SASH1: variants seen among roughly 807,000 people sequenced by gnomAD.
SASH1 encodes the protein SAM and SH3 domain containing 1.
Under a neutral mutation model 125.2 loss-of-function variants are expected in SASH1, and 44 were observed. The ratio of observed to expected loss-of-function variants is 0.35; its 90% CI spans 0.28 to 0.45. The LOEUF is 0.45. Among genes scored for constraint, SASH1 ranks in the 20% least tolerant of loss-of-function variants. The pLI is 1.00. For missense variants in SASH1, 1,426 were observed against 1,614.5 expected (o/e 0.88, Z 2.00); for synonymous variants, 639 against 649.1 (o/e 0.98, Z 0.24).
intron 1 of SASH1, among the ~76,000 whole-genome samples, chr6:148,322,864 C>CACCTTTCTTTCTTTCTTTCTTTCT (rs1223221146): frequency 6.0e-5 from 8 of 133,156 alleles, no homozygotes. Context: ...CCATCCAAAT[C>CACCTTTCTTTCTTTCTTTCTTTCT]ATCTTTCTTT....
At chr6:148,229,600 A>G in the SASH1 span, among the ~76,000 whole-genome samples, 1 of 152,186 alleles carries the variant, frequency 6.6e-6, no homozygotes, top group Non-Finnish European at 1.5e-5. Flanking sequence ...TTTAGCAAAC[A>G]GCTTTATTGA....
chr6:148,343,517 C>A (rs1474578461), intron 1 of SASH1, among the ~76,000 whole-genome samples: 1 of 152,118 alleles, frequency 6.6e-6, no homozygotes, highest in Non-Finnish European at 1.5e-5. Context: ...GAGAAAGAGG[C>A]CTTCAAAAAG....
At chr6:148,500,573 A>C (rs1262003146) in intron 8 of SASH1, among the ~76,000 whole-genome samples, 1 of 152,212 alleles carries the variant, frequency 6.6e-6, no homozygotes, top group African/African-American at 2.4e-5. Flanking sequence ...AAAGATAAAG[A>C]GGTCACACAG....
intron 1 of SASH1, among the ~76,000 whole-genome samples, chr6:148,321,169 A>G (rs1214954866): frequency 2.0e-5 from 3 of 152,184 alleles, no homozygotes; most frequent in Non-Finnish European, 4.4e-5. Context: ...AGGCAGGCAG[A>G]TCACTTGAGG....
At chr6:148,451,312 C>T (rs1777090468) in intron 4 of SASH1, among the ~76,000 whole-genome samples, 1 of 152,196 alleles carries the variant, frequency 6.6e-6, no homozygotes, top group South Asian at 2.1e-4. Context: ...GTCAGTGTCT[C>T]CCCAGACTGA....
intron 2 of SASH1, among the ~76,000 whole-genome samples, chr6:148,391,342 C>T (rs897601878): frequency 8.0e-5 from 12 of 150,520 alleles, no homozygotes; most frequent in African/African-American, 2.9e-4. Context: ...CTCCCGACTT[C>T]AGGTGACCAC....
upstream of SASH1, among the ~76,000 whole-genome samples, chr6:148,268,878 G>A (rs572205542): frequency 2.0e-5 from 3 of 152,174 alleles, no homozygotes; most frequent in South Asian, 2.1e-4. Flanking sequence ...GCTTCATATC[G>A]GTTACTCAGT....
rs576338288 is a variant in SASH1 at position 148,495,355 on chromosome 6, T to C, written c.729+7640T>C. ...CAGAGTGGCAGCATCCTTCTACTTGTATAACCACTGTCGTCTTTTATAGAA... is the reference window on the plus strand; with the variant it reads ...CAGAGTGGCAGCATCCTTCTACTTGCATAACCACTGTCGTCTTTTATAGAA... On this transcript the variant is annotated intron_variant, in intron 8 of 19. Coordinates refer to ENST00000367467, the MANE Select transcript of SASH1 (RefSeq NM_015278.5). The surrounding 1 kb of genome is among the most constrained non-coding windows in gnomAD (Gnocchi z 4.0). Among the ~76,000 whole-genome samples, 5 of 152,362 alleles carry C rather than the reference T, an allele frequency of 3.3e-5. No homozygotes were observed. The South Asian group carries it at 6.2e-4, about 19-fold the overall frequency.
chr6:148,358,495 C>T (rs1782043788), intron 1 of SASH1, among the ~76,000 whole-genome samples: 1 of 152,030 alleles, frequency 6.6e-6, no homozygotes. Flanking sequence ...TTCTGGGGTC[C>T]CAGGAGGGTC....
At chr6:148,235,029 A>G in the SASH1 span, among the ~76,000 whole-genome samples, 1 of 152,212 alleles carries the variant, frequency 6.6e-6, no homozygotes, top group Non-Finnish European at 1.5e-5. Context: ...ACAAGCACCA[A>G]CAATACATGG....
At chr6:148,449,078 C>CTTTTTCTTTTTTTTTTCTTTTTTTTT in intron 4 of SASH1, among the ~76,000 whole-genome samples, 1 of 88,736 alleles carries the variant, frequency 1.1e-5, no homozygotes, top group Non-Finnish European at 2.3e-5. Context: ...CATTTCATTT[C>CTTTTTCTTTTTTTTTTCTTTTTTTTT]TTTTTTTTTT....
the SASH1 span, among the ~76,000 whole-genome samples, chr6:148,249,483 G>T: frequency 6.6e-6 from 1 of 152,204 alleles, no homozygotes; most frequent in Non-Finnish European, 1.5e-5. Context: ...GCTTCTAGGA[G>T]CCAGGGTACC....
chr6:148,537,970 C>T (rs1781967078), intron 16 of SASH1, among the ~76,000 whole-genome samples: 2 of 152,146 alleles, frequency 1.3e-5, no homozygotes, highest in African/African-American at 4.8e-5. Context: ...TTTCAGCGTT[C>T]TAGCTTATCT....
intron 1 of SASH1, among the ~76,000 whole-genome samples, chr6:148,304,897 G>A (rs1780082327): frequency 6.6e-6 from 1 of 152,082 alleles, no homozygotes; most frequent in Non-Finnish European, 1.5e-5. Flanking sequence ...ACGTGGTGAT[G>A]GCGGGTGCCT....
rs371450370 is a variant in SASH1 at position 148,456,320 on chromosome 6, C to T, written c.387-12225C>T. Among the ~76,000 whole-genome samples the T allele has an allele frequency of 5.5e-4, 83 of 152,274 alleles. No individual in the cohort carries two copies. In the East Asian group the frequency reaches 0.012, roughly 22 times the overall value. ...GCCCGTCTCTATAGGGATCAGTGACCCCATCTCCATACCGCCCGAGCGTGT... is the reference window on the plus strand; with the variant it reads ...GCCCGTCTCTATAGGGATCAGTGACTCCATCTCCATACCGCCCGAGCGTGT... On this transcript the variant is annotated intron_variant, in intron 4 of 19. Coordinates refer to ENST00000367467, the MANE Select transcript of SASH1 (RefSeq NM_015278.5).
At chr6:148,257,316 G>A in the SASH1 span, among the ~76,000 whole-genome samples, 1 of 152,158 alleles carries the variant, frequency 6.6e-6, no homozygotes, top group Non-Finnish European at 1.5e-5. Flanking sequence ...AATGTGGCTT[G>A]AACCTGAGTC....
the SASH1 span, among the ~76,000 whole-genome samples, chr6:148,226,072 G>A: frequency 2.0e-4 from 30 of 152,322 alleles, no homozygotes; most frequent in African/African-American, 7.0e-4. Context: ...GTATGATTGT[G>A]GGAGAGCTCT....
intron 1 of SASH1, among the ~76,000 whole-genome samples, chr6:148,352,596 T>TATAAATAA (rs144016974): frequency 2.3e-4 from 33 of 141,278 alleles, no homozygotes; most frequent in African/African-American, 3.2e-4. Context: ...GACTCCTTCT[T>TATAAATAA]ATAAATAAAT....
upstream of SASH1, among the ~76,000 whole-genome samples, chr6:148,270,374 A>G (rs548491437): frequency 9.9e-5 from 6 of 60,390 alleles, no homozygotes; most frequent in East Asian, 1.4e-3. Flanking sequence ...TGACTTTAAT[A>G]TTTTAAAATT....
Sources: allele counts gnomAD v4.1 joint callset (sites outside exome capture counted in the v4.1 genomes callset), GRCh38; gene constraint gnomAD v4.1.1; non-coding constraint Gnocchi (gnomAD v3.1); transcripts MANE v1.5; gene names NCBI Gene and HGNC (gene_info 2026-07-23, HGNC 2026-07-21).